The following USP32 variants were observed in gnomAD, a reference collection of about 807,000 sequenced individuals.
The protein encoded by USP32 is ubiquitin specific peptidase 32.
USP32 carries 59 observed loss-of-function variants against 204.8 expected under a neutral mutation model. That is an observed-to-expected ratio of 0.29 (90% CI 0.23 to 0.36). The LOEUF (loss-of-function observed/expected upper bound fraction) is 0.36. USP32 is among the 10% of genes least tolerant of loss of function. The pLI is 1.00. For missense variants in USP32, 1,160 were observed against 1,946.4 expected (o/e 0.60, Z 7.60); for synonymous variants, 517 against 678.4 (o/e 0.76, Z 3.70).
chr17:60,338,991 C>A (rs183739641), intron 2 of USP32, among the ~76,000 whole-genome samples: 1 of 151,900 alleles, frequency 6.6e-6, no homozygotes, highest in African/African-American at 2.4e-5. Context: ...CTGATTGCAA[C>A]CTCTGTCTCC....
intron 11 of USP32, among the ~76,000 whole-genome samples, chr17:60,244,714 C>T (rs1439006306): frequency 2.0e-5 from 3 of 152,198 alleles, no homozygotes; most frequent in Non-Finnish European, 4.4e-5. Flanking sequence ...TTACTGCAAC[C>T]TCTGCCTCCT....
chr17:60,294,678 T>C lies in USP32; in HGVS notation c.411+5A>G, dbSNP rs775681620. The C allele has an allele frequency of 2.5e-6, 4 of 1,576,230 alleles. No homozygotes were observed. In the South Asian group the frequency reaches 3.4e-5, roughly 14 times the overall value. ...AAGGGATAAAATGTAAATCTTTAACTATACCTCTGAGAAACACTTCCTGAG... is the reference window on the plus strand; with the variant it reads ...AAGGGATAAAATGTAAATCTTTAACCATACCTCTGAGAAACACTTCCTGAG... On this transcript the variant is annotated splice_donor_5th_base_variant and intron_variant, in intron 4 of 33. Transcript: ENST00000300896.
At chr17:60,268,307 G>A (rs2086645620) in intron 7 of USP32, among the ~76,000 whole-genome samples, 1 of 151,804 alleles carries the variant, frequency 6.6e-6, no homozygotes, top group African/African-American at 2.4e-5. Context: ...GGAGGCTCAT[G>A]TCTATAACCC....
intron 1 of USP32, 51 bp from the exon 2 acceptor site, chr17:60,345,659 G>T: frequency 6.2e-7 from 1 of 1,610,782 alleles, no homozygotes; most frequent in Non-Finnish European, 8.5e-7. Flanking sequence ...GAAAAGAGGT[G>T]TCTCATAATT....
At chr17:60,314,128 C>CTTTTT (rs35830572) in intron 2 of USP32, among the ~76,000 whole-genome samples, 14 of 52,814 alleles carry the variant, frequency 2.7e-4, no homozygotes, top group African/African-American at 5.5e-4. Context: ...TATTGTGTGG[C>CTTTTT]TTTTTTTTTT....
At position 60,226,093 on chromosome 17, in the gene USP32, T is replaced by C. The variant is rs2085380127; in HGVS notation, c.1378A>G (p.Lys460Glu). The C allele has an allele frequency of 6.2e-7, 1 of 1,606,434 alleles. No homozygotes were observed. The highest frequency in any genetic ancestry group is 1.7e-5 in the Admixed American group (1 of 58,324). ...SLSYVNTTEEKFSDNISTASE... is the reference protein window; with the variant it reads ...SLSYVNTTEEEFSDNISTASE... The stretch of plus-strand genomic sequence containing the variant: ...GCAGTAGAAATGTTGTCTGAAAATT[T>C]CTCTTCTGTAGTATTCACGTAACTG... The change falls in exon 13 of 34, where the codon AAA (lysine) becomes GAA (glutamate). Residue 460 changes from lysine to glutamate, a missense_variant. Around this residue, in one of 8 missense-constraint regions of USP32, gnomAD observed 536 missense variants for 680.9 expected, o/e 0.79. Coordinates refer to ENST00000300896, the MANE Select transcript of USP32 (RefSeq NM_032582.4).
chr17:60,249,655 T>TCC, intron 11 of USP32: 2 of 681,742 alleles, frequency 2.9e-6, no homozygotes, highest in Non-Finnish European at 5.3e-6. Flanking sequence ...CTGCTCCTGG[T>TCC]TAAATTACCA....
intron 1 of USP32, among the ~76,000 whole-genome samples, chr17:60,380,374 C>T (rs1044129583): frequency 1.2e-4 from 19 of 152,032 alleles, no homozygotes; most frequent in African/African-American, 3.6e-4. Context: ...CAAGACCAGC[C>T]GGGGCAACAT....
intron 26 of USP32, among the ~76,000 whole-genome samples, chr17:60,204,819 G>A (rs2145477678): frequency 6.6e-6 from 1 of 151,676 alleles, no homozygotes. Context: ...TGCCCAGCCT[G>A]GAATGTGTGG....
intron 2 of USP32, among the ~76,000 whole-genome samples, chr17:60,326,882 TG>T (rs1207732178): frequency 1.3e-5 from 2 of 152,178 alleles, no homozygotes; most frequent in Non-Finnish European, 2.9e-5. Flanking sequence ...AAACACTTCA[TG>T]AAAGGTAAAC....
chr17:60,255,153 C>T (rs1406784261), intron 10 of USP32, 22 bp downstream of exon 10: 2 of 1,578,530 alleles, frequency 1.3e-6, no homozygotes, highest in Non-Finnish European at 1.7e-6. Flanking sequence ...CCCTCTGTTG[C>T]TGTCATTTAC....
intron 25 of USP32, among the ~76,000 whole-genome samples, 199 bp from the exon 26 acceptor site, chr17:60,205,857 T>G (rs2084812920): frequency 6.6e-6 from 1 of 152,188 alleles, no homozygotes; most frequent in African/African-American, 2.4e-5. Flanking sequence ...TTTGGCCAAA[T>G]GAAAAGGAAA....
intron 1 of USP32, among the ~76,000 whole-genome samples, chr17:60,354,541 T>C (rs1193075783): frequency 1.3e-5 from 2 of 152,224 alleles, no homozygotes; most frequent in Non-Finnish European, 2.9e-5. Context: ...AACATATTTG[T>C]AAATCTGCTT....
chr17:60,314,562 T>C, intron 2 of USP32, among the ~76,000 whole-genome samples: 1 of 144,376 alleles, frequency 6.9e-6, no homozygotes, highest in Non-Finnish European at 1.5e-5. Flanking sequence ...GAACTGGGGG[T>C]GGGGGGAGGA....
At position 60,294,677 on chromosome 17, in the gene USP32, C is replaced by T; in HGVS notation, c.411+6G>A. 6.4e-7 allele frequency: 1 copy of T among 1,571,618 alleles called. No homozygotes were observed. The highest frequency in any genetic ancestry group is 8.7e-7 in the Non-Finnish European group (1 of 1,148,036). The stretch of plus-strand genomic sequence containing the variant: ...AAAGGGATAAAATGTAAATCTTTAA[C>T]TATACCTCTGAGAAACACTTCCTGA... On this transcript the variant is annotated splice_donor_region_variant and intron_variant, in intron 4 of 33. Transcript: ENST00000300896.
At chr17:60,323,768 A>C (rs1490148949) in intron 2 of USP32, among the ~76,000 whole-genome samples, 1 of 152,212 alleles carries the variant, frequency 6.6e-6, no homozygotes, top group African/African-American at 2.4e-5. Context: ...GTCAAATATA[A>C]CAAGAAAGAA....
At chr17:60,275,901 C>T (rs1252546424) in intron 5 of USP32, among the ~76,000 whole-genome samples, 1 of 147,508 alleles carries the variant, frequency 6.8e-6, no homozygotes, top group African/African-American at 2.6e-5. Context: ...TTAGTAGAGA[C>T]CTTGTCTCTA....
At chr17:60,309,190 T>C (rs1189221357) in intron 2 of USP32, among the ~76,000 whole-genome samples, 1 of 152,068 alleles carries the variant, frequency 6.6e-6, no homozygotes, top group East Asian at 1.9e-4. Flanking sequence ...ATCAATAAAA[T>C]TAAGAGACAA....
chr17:60,358,210 C>T (rs527630573), intron 1 of USP32, among the ~76,000 whole-genome samples: 1 of 152,292 alleles, frequency 6.6e-6, no homozygotes, highest in Non-Finnish European at 1.5e-5. Flanking sequence ...AGCCACCACC[C>T]TATGAACCTA....
Sources: allele counts gnomAD v4.1 joint callset (sites outside exome capture counted in the v4.1 genomes callset), GRCh38; gene constraint gnomAD v4.1.1; regional missense constraint gnomAD v4.1.1; transcripts MANE v1.5; gene names NCBI Gene and HGNC (gene_info 2026-07-23, HGNC 2026-07-21).